The following PDSS2 variants were observed in gnomAD, a reference collection of about 807,000 sequenced individuals.
The protein encoded by PDSS2 is decaprenyl diphosphate synthase subunit 2, also known as all trans-polyprenyl-diphosphate synthase PDSS2.
In PDSS2, 31 loss-of-function variants were observed where a neutral mutation model predicts 44.5. The observed-to-expected ratio is 0.70, with a 90% confidence interval of 0.52 to 0.94. The LOEUF (loss-of-function observed/expected upper bound fraction) is 0.94, where lower values mean the gene tolerates loss of function less well. Ranked by LOEUF, PDSS2 falls within the 40% of genes least tolerant of loss-of-function variation. The pLI is 0.00. For synonymous variants in PDSS2, 157 were observed against 180.3 expected, an observed-to-expected ratio of 0.87 and a Z score of 1.03; for missense variants, 452 against 482.2, an observed-to-expected ratio of 0.94 and a Z score of 0.59.
rs1990643 is a variant in PDSS2, at chr6:107,346,824, A to G, written c.297-12492T>C. ...TAAAAACTGTGAAACATTTTAAAAA[A>G]TATTTTTCTCCTGAACATTTCCTTG... On this transcript the variant is annotated intron_variant, in intron 1 of 7. Transcript: ENST00000369037. 8.5e-5 allele frequency among the ~76,000 whole-genome samples: 13 copies of G among 152,350 alleles called. No homozygotes were observed. In the South Asian group the frequency reaches 2.7e-3, roughly 32 times the overall value.
intron 4 of PDSS2, among the ~76,000 whole-genome samples, chr6:107,217,854 T>C (rs576960351): frequency 2.0e-5 from 3 of 152,350 alleles, no homozygotes; most frequent in African/African-American, 7.2e-5. Context: ...GGACTTAGAA[T>C]ATGTAACATT....
At chr6:107,337,058 C>CAA (rs1777925632) in intron 1 of PDSS2, among the ~76,000 whole-genome samples, 1 of 150,928 alleles carries the variant, frequency 6.6e-6, no homozygotes, top group Admixed American at 6.6e-5. Flanking sequence ...CACACACACA[C>CAA]ACACACACAC....
intron 2 of PDSS2, among the ~76,000 whole-genome samples, chr6:107,311,267 C>T (rs1777038127): frequency 6.8e-6 from 1 of 147,758 alleles, no homozygotes; most frequent in Non-Finnish European, 1.5e-5. Flanking sequence ...GCAATCATGG[C>T]TCACTGCAGC....
intron 1 of PDSS2, among the ~76,000 whole-genome samples, chr6:107,335,529 AC>A (rs1164472530): frequency 1.3e-5 from 2 of 152,212 alleles, no homozygotes; most frequent in Admixed American, 6.5e-5. Flanking sequence ...GTTGCTTATT[AC>A]TTACAAACAT....
chr6:107,417,814 C>T (rs894417886), intron 1 of PDSS2, among the ~76,000 whole-genome samples: 5 of 139,804 alleles, frequency 3.6e-5, no homozygotes, highest in African/African-American at 5.4e-5. Context: ...CACACACACA[C>T]ATATATACAC....
intron 4 of PDSS2, among the ~76,000 whole-genome samples, chr6:107,238,172 G>T (rs1265508441): frequency 3.3e-5 from 5 of 152,170 alleles, no homozygotes; most frequent in African/African-American, 1.2e-4. Flanking sequence ...CTGGAGACAG[G>T]AAAGAGGTGT....
intron 2 of PDSS2, among the ~76,000 whole-genome samples, chr6:107,295,709 G>A (rs1287018959): frequency 1.3e-5 from 2 of 152,152 alleles, no homozygotes; most frequent in Non-Finnish European, 2.9e-5. Context: ...CCAGGTAAAT[G>A]TTGGGATGGG....
chr6:107,303,798 G>A (rs1582916182), intron 2 of PDSS2, among the ~76,000 whole-genome samples: 1 of 152,140 alleles, frequency 6.6e-6, no homozygotes, highest in East Asian at 1.9e-4. Context: ...ATATCCATGT[G>A]CATATGTAGG....
chr6:107,435,172 G>A (rs1026521664), intron 1 of PDSS2, among the ~76,000 whole-genome samples: 4 of 151,770 alleles, frequency 2.6e-5, no homozygotes, highest in South Asian at 2.1e-4. Flanking sequence ...CTAGCTACAC[G>A]GGAGGCTGAG....
At chr6:107,427,516 C>G (rs1425564250) in intron 1 of PDSS2, among the ~76,000 whole-genome samples, 1 of 152,224 alleles carries the variant, frequency 6.6e-6, no homozygotes, top group Admixed American at 6.5e-5. Context: ...TGAATTCTAT[C>G]TATCTAAAAG....
intron 1 of PDSS2, among the ~76,000 whole-genome samples, chr6:107,419,529 A>G (rs2114693515): frequency 6.6e-6 from 1 of 152,330 alleles, no homozygotes; most frequent in South Asian, 2.1e-4. Context: ...TGATAATACT[A>G]CTAAAATTAT....
intron 6 of PDSS2, among the ~76,000 whole-genome samples, chr6:107,199,565 G>C (rs1772697479): frequency 6.6e-6 from 1 of 152,186 alleles, no homozygotes; most frequent in Admixed American, 6.5e-5. Context: ...CTCCCAAACT[G>C]CTGGGATTAC....
chr6:107,455,711 G>A (rs561439696), intron 1 of PDSS2, among the ~76,000 whole-genome samples: 6 of 137,580 alleles, frequency 4.4e-5, no homozygotes, highest in Non-Finnish European at 9.0e-5. Flanking sequence ...CCGAGATCAG[G>A]CCACTGGGCA....
At chr6:107,263,777 T>C (rs1775323517) in intron 3 of PDSS2, among the ~76,000 whole-genome samples, 2 of 152,374 alleles carry the variant, frequency 1.3e-5, no homozygotes, top group African/African-American at 4.8e-5. Flanking sequence ...TATGTGACTA[T>C]ATTAGCAAAT....
chr6:107,310,158 G>C (rs947869954), intron 2 of PDSS2, among the ~76,000 whole-genome samples: 1 of 151,810 alleles, frequency 6.6e-6, no homozygotes, highest in Non-Finnish European at 1.5e-5. Context: ...GGTGGCAGGC[G>C]CCTGTAGTCT....
chr6:107,393,302 G>C (rs1295259815), intron 1 of PDSS2, among the ~76,000 whole-genome samples: 1 of 151,858 alleles, frequency 6.6e-6, no homozygotes, highest in Non-Finnish European at 1.5e-5. Flanking sequence ...CTAAATATCT[G>C]GGAATTTTCC....
At chr6:107,300,454 AAG>A (rs1169649139) in intron 2 of PDSS2, among the ~76,000 whole-genome samples, 16 of 152,300 alleles carry the variant, frequency 1.1e-4, no homozygotes, top group African/African-American at 3.8e-4. Flanking sequence ...TAGGCCAACT[AAG>A]AATTCCTAAG....
chr6:107,166,460 G>C (rs1418492563), intron 7 of PDSS2, among the ~76,000 whole-genome samples: 9 of 149,370 alleles, frequency 6.0e-5, no homozygotes, highest in African/African-American at 2.0e-4. Context: ...CGCCTCCTGG[G>C]TTCACGCCAT....
At chr6:107,404,483 C>A (rs1171915443) in intron 1 of PDSS2, among the ~76,000 whole-genome samples, 1 of 152,124 alleles carries the variant, frequency 6.6e-6, no homozygotes, top group Admixed American at 6.5e-5. Context: ...ATATCTGAGA[C>A]TGGATAATTT....
Sources: allele counts gnomAD v4.1 joint callset (sites outside exome capture counted in the v4.1 genomes callset), GRCh38; gene constraint gnomAD v4.1.1; transcripts MANE v1.5; gene names NCBI Gene and HGNC (gene_info 2026-07-23, HGNC 2026-07-21).